The following SLC66A3 variants were observed in gnomAD, a reference collection of about 807,000 sequenced individuals.
The protein encoded by SLC66A3 is PQ loop repeat containing 3.
SLC66A3 carries 23 observed loss-of-function variants against 25.5 expected under a neutral mutation model. The ratio of observed to expected loss-of-function variants is 0.90; its 90% CI spans 0.65 to 1.28. The LOEUF is 1.28. Ranked by LOEUF, SLC66A3 falls within the 50% of genes most tolerant of loss-of-function variation. SLC66A3 has a pLI of 0.00. For missense variants in SLC66A3, 246 were observed against 262.1 expected (o/e 0.94, Z 0.42); for synonymous variants, 108 against 112.6 (o/e 0.96, Z 0.26).
intron 1 of SLC66A3, among the ~76,000 whole-genome samples, chr2:11,157,249 C>A (rs1189975106): frequency 6.6e-6 from 1 of 152,244 alleles, no homozygotes; most frequent in Non-Finnish European, 1.5e-5. Context: ...AAGGATCTTC[C>A]TGGGCATGGG....
chr2:11,172,090 A>T (rs1662577464), intron 5 of SLC66A3, 45 bp downstream of exon 5: 1 of 1,604,744 alleles, frequency 6.2e-7, no homozygotes, highest in African/African-American at 1.3e-5. Context: ...GGTAGCACCA[A>T]GTGTCTACGT....
chr2:11,164,327 T>TTATA (rs1161882465), intron 4 of SLC66A3, 66 bp downstream of exon 4: 2,442 of 176,028 alleles, frequency 0.014, 150 homozygotes, highest in East Asian at 0.027. Flanking sequence ...TGATAGATAT[T>TTATA]TATATATATA....
At chr2:11,174,519 CGGAGTCTGGCTCTGTCACCCAGGCT>C (rs908464711) in intron 5 of SLC66A3, among the ~76,000 whole-genome samples, 8 of 152,060 alleles carry the variant, frequency 5.3e-5, no homozygotes, top group African/African-American at 1.9e-4. Context: ...GTTTTTGAGA[CGGAGTCTGGCTCTGTCACCCAGGCT>C]GGAGTCAATT....
chr2:11,167,288 C>A (rs1250830598), intron 4 of SLC66A3, among the ~76,000 whole-genome samples: 4 of 152,134 alleles, frequency 2.6e-5, no homozygotes, highest in African/African-American at 9.7e-5. Flanking sequence ...ACTAAAAATA[C>A]AAAAATTATC....
At chr2:11,174,831 T>C (rs1193688745) in intron 5 of SLC66A3, 137 bp from the exon 6 acceptor site, 3 of 512,442 alleles carry the variant, frequency 5.9e-6, no homozygotes, top group African/African-American at 2.0e-5. Flanking sequence ...TTAATATATG[T>C]TGTTAAAAAA....
chr2:11,166,364 G>A (rs1662342670), intron 4 of SLC66A3, among the ~76,000 whole-genome samples: 2 of 152,138 alleles, frequency 1.3e-5, no homozygotes, highest in African/African-American at 4.8e-5. Context: ...GGTGACAGAA[G>A]TGAACGTTTC....
At chr2:11,170,755 AT>A (rs916481160) in intron 4 of SLC66A3, among the ~76,000 whole-genome samples, 40 of 151,420 alleles carry the variant, frequency 2.6e-4, no homozygotes, top group Non-Finnish European at 4.4e-4. Context: ...CACCCAGCTA[AT>A]TTTTTTGTAT....
intron 5 of SLC66A3, among the ~76,000 whole-genome samples, chr2:11,173,593 C>T (rs1053416537): frequency 2.0e-5 from 3 of 152,240 alleles, no homozygotes; most frequent in Admixed American, 1.3e-4. Flanking sequence ...GATTTGGCCT[C>T]TGCCCTTCAG....
At position 11,157,102 on chromosome 2, in the gene SLC66A3, C is replaced by A. The variant is rs564481329; in HGVS notation, c.143+1413C>A. On this transcript the variant is annotated intron_variant, in intron 1 of 6. Coordinates refer to ENST00000295083, the MANE Select transcript of SLC66A3 (RefSeq NM_152391.5). ...TTCCCTCCTGCCGCCAGCCCCTAGG[C>A]CTGCATTTCCACCACTTTTGCAGCA... Among the ~76,000 whole-genome samples, 9 of 152,312 alleles carry A rather than the reference C, an allele frequency of 5.9e-5. No homozygotes were observed. In the South Asian group the frequency reaches 1.9e-3, roughly 32 times the overall value.
At chr2:11,169,642 A>G (rs184783592) in intron 4 of SLC66A3, among the ~76,000 whole-genome samples, 2 of 151,826 alleles carry the variant, frequency 1.3e-5, no homozygotes, top group African/African-American at 4.8e-5. Context: ...TCCAGCACAC[A>G]CCGCACAGCC....
rs1034777045 is a variant in SLC66A3, at chr2:11,178,074, C to T, written c.*246C>T. 1 of 358,196 alleles carries T rather than the reference C, an allele frequency of 2.8e-6. No individual in the cohort carries two copies. The highest frequency in any genetic ancestry group is 2.1e-5 in the African/African-American group (1 of 47,334). The allele number at this position is 358,196 out of a possible 1,614,324, so 22.2% of individuals were successfully genotyped here. The stretch of plus-strand genomic sequence containing the variant: ...AGACATCTGCAGTGTTGAGGCCAGT[C>T]ACTGTTGGAAGTCATCCAAGAAGCC... On this transcript the variant is annotated 3_prime_UTR_variant, in exon 7 of 7. Coordinates refer to ENST00000295083, the MANE Select transcript of SLC66A3 (RefSeq NM_152391.5).
At chr2:11,174,552 A>G (rs536935175) in intron 5 of SLC66A3, among the ~76,000 whole-genome samples, 14 of 152,014 alleles carry the variant, frequency 9.2e-5, no homozygotes, top group Admixed American at 4.6e-4. Context: ...GCTGGAGTCA[A>G]TTGGCGCAAT....
At chr2:11,160,251 G>A in intron 1 of SLC66A3, 2 of 611,108 alleles carry the variant, frequency 3.3e-6, no homozygotes, top group South Asian at 1.9e-5. Flanking sequence ...TTGCACTGTG[G>A]CCCGGTGCCC....
chr2:11,156,726 G>A (rs1661917151), intron 1 of SLC66A3, among the ~76,000 whole-genome samples: 1 of 152,082 alleles, frequency 6.6e-6, no homozygotes, highest in Non-Finnish European at 1.5e-5. Flanking sequence ...GGCTTGCAGT[G>A]GGAGGGACTG....
At chr2:11,165,169 C>T (rs1662278540) in intron 4 of SLC66A3, among the ~76,000 whole-genome samples, 1 of 151,198 alleles carries the variant, frequency 6.6e-6, no homozygotes, top group African/African-American at 2.4e-5. Context: ...GCTGACCCCC[C>T]ACCTCCCTCC....
rs922845043 is a variant in SLC66A3, at chr2:11,175,134, C to T, written c.517+125C>T. 1.2e-5 allele frequency: 8 copies of T among 677,514 alleles called. No individual in the cohort carries two copies. In the African/African-American group the frequency reaches 1.3e-4, roughly 11 times the overall value. The allele number at this position is 677,514 out of a possible 1,614,324, so 42.0% of individuals were successfully genotyped here. ...GTTGGATTATAGATTTAGAAGATGG[C>T]AACAATGTATTCCTAGTCTTATTGG... On this transcript the variant is annotated intron_variant, in intron 6 of 6. Coordinates refer to ENST00000295083, the MANE Select transcript of SLC66A3 (RefSeq NM_152391.5).
chr2:11,172,191 T>A, intron 5 of SLC66A3, 146 bp downstream of exon 5: 1 of 596,058 alleles, frequency 1.7e-6, no homozygotes, highest in Non-Finnish European at 2.7e-6. Flanking sequence ...CCTAAGTGTA[T>A]CCATGTTTAC....
chr2:11,159,029 C>T (rs530998908), intron 1 of SLC66A3, among the ~76,000 whole-genome samples: 35 of 152,284 alleles, frequency 2.3e-4, no homozygotes, highest in Middle Eastern at 3.4e-3. Context: ...TCCATTTCCC[C>T]AAGTGGTCTG....
intron 1 of SLC66A3, 73 bp from the exon 2 acceptor site, chr2:11,160,393 G>A: frequency 7.5e-7 from 1 of 1,340,692 alleles, no homozygotes; most frequent in Non-Finnish European, 1.1e-6. Context: ...TGACCTCAGT[G>A]TTCTGGTGCC....
Sources: gnomAD v4.1 joint callset for allele counts (sites outside exome capture counted in the v4.1 genomes callset) on GRCh38, gnomAD v4.1.1 for gene constraint, MANE v1.5 for transcripts, NCBI Gene and HGNC (gene_info 2026-07-23, HGNC 2026-07-21) for gene names.